Variants in PCDH19 observed in about 807,000 individuals in gnomAD.
PCDH19 encodes protocadherin 19.
In PCDH19, 6 loss-of-function variants were observed where a neutral mutation model predicts 46.2. The observed-to-expected ratio is 0.13, with a 90% CI of 0.07 to 0.26. The LOEUF (loss-of-function observed/expected upper bound fraction) is 0.26. PCDH19 is among the 10% of genes least tolerant of loss of function. PCDH19 has a pLI of 1.00. For missense variants in PCDH19, 740 were observed against 972.3 expected, an observed-to-expected ratio of 0.76 and a Z score of 3.18; for synonymous variants, 481 against 415.7, an observed-to-expected ratio of 1.16 and a Z score of -1.91.
In PCDH19 at chrX:100,296,556, G is replaced by A. The variant is rs1924614562; in HGVS notation, c.3168C>T (p.Gly1056=). The change falls in exon 6 of 6, where the codon GGC becomes GGT. Residue 1056 remains glycine (G), a synonymous_variant. Coordinates refer to ENST00000373034, the MANE Select transcript of PCDH19 (RefSeq NM_001184880.2). ...PKVNSVIREA[G]NGCEAISPVT... The stretch of plus-strand genomic sequence containing the variant: ...CAGGGCTAATCGCCTCACAGCCATT[G>A]CCTGCCTCCCGGATAACGCTGTTGA... 1 of 1,209,220 alleles carries A rather than the reference G, an allele frequency of 8.3e-7. No individual in the cohort carries two copies. The highest frequency in any genetic ancestry group is 1.1e-6 in the Non-Finnish European group (1 of 894,960).
chrX:100,371,969 G>A (rs1183730894), intron 3 of PCDH19, among the ~76,000 whole-genome samples: 3 of 111,466 alleles, frequency 2.7e-5, no homozygotes, highest in African/African-American at 9.8e-5. Flanking sequence ...AGGCACAGTG[G>A]CTCACACCTG....
intron 5 of PCDH19, among the ~76,000 whole-genome samples, chrX:100,301,996 G>A (rs1924795620): frequency 8.9e-6 from 1 of 111,746 alleles, no homozygotes; most frequent in Non-Finnish European, 1.9e-5. Context: ...TTCCTTAAAA[G>A]GGGAGAGCTG....
chrX:100,359,484 T>C (rs896001119), intron 3 of PCDH19, among the ~76,000 whole-genome samples: 6 of 111,938 alleles, frequency 5.4e-5, no homozygotes, highest in Non-Finnish European at 1.9e-5. Flanking sequence ...GCAACCATTG[T>C]TAGAAGGTGA....
chrX:100,397,896 G>T (rs1237343145), intron 3 of PCDH19, among the ~76,000 whole-genome samples: 1 of 111,562 alleles, frequency 9.0e-6, no homozygotes, highest in African/African-American at 3.3e-5. Context: ...ACTATTTTTA[G>T]AAAGATCTTA....
At chrX:100,379,125 C>G (rs1927467734) in intron 3 of PCDH19, among the ~76,000 whole-genome samples, 2 of 110,975 alleles carry the variant, frequency 1.8e-5, no homozygotes, top group East Asian at 5.7e-4. Flanking sequence ...ATGAATCTCC[C>G]CCTGGCCACA....
At chrX:100,354,787 A>G (rs1926665683) in intron 3 of PCDH19, among the ~76,000 whole-genome samples, 1 of 111,603 alleles carries the variant, frequency 9.0e-6, no homozygotes, top group East Asian at 2.8e-4. Context: ...CTAAATGGCA[A>G]ACAACATGAA....
chrX:100,325,350 T>A (rs1925657279), intron 5 of PCDH19, among the ~76,000 whole-genome samples: 2 of 105,708 alleles, frequency 1.9e-5, no homozygotes, highest in African/African-American at 6.8e-5. Context: ...CATTAAAGTA[T>A]GTTAGGGACT....
At chrX:100,377,717 G>C (rs191683650) in intron 3 of PCDH19, among the ~76,000 whole-genome samples, 2 of 111,765 alleles carry the variant, frequency 1.8e-5, no homozygotes, top group Non-Finnish European at 3.8e-5. Flanking sequence ...AAGAGAATTC[G>C]ATACTACGCA....
intron 3 of PCDH19, among the ~76,000 whole-genome samples, chrX:100,358,227 C>A (rs778245285): frequency 8.9e-6 from 1 of 111,759 alleles, no homozygotes; most frequent in Non-Finnish European, 1.9e-5. Context: ...TGTGAGAAGA[C>A]GAGGGTTCAC....
At chrX:100,310,866 C>A (rs190582333) in intron 5 of PCDH19, among the ~76,000 whole-genome samples, 1 of 109,278 alleles carries the variant, frequency 9.2e-6, no homozygotes, top group African/African-American at 3.3e-5. Context: ...AAAAAAACTT[C>A]TTTAGAGACA....
chrX:100,304,428 T>C (rs894787419), intron 5 of PCDH19, among the ~76,000 whole-genome samples: 1 of 111,498 alleles, frequency 9.0e-6, no homozygotes, highest in Non-Finnish European at 1.9e-5. Context: ...CAGCAGCCCT[T>C]GAGTCCTAGA....
chrX:100,376,756 C>G (rs771437250), intron 3 of PCDH19, among the ~76,000 whole-genome samples: 2 of 111,683 alleles, frequency 1.8e-5, no homozygotes, highest in African/African-American at 6.5e-5. Context: ...AGTAAAGCAT[C>G]TGGAACAGTG....
chrX:100,347,714 A>G (rs183977470), intron 4 of PCDH19, among the ~76,000 whole-genome samples: 1 of 111,279 alleles, frequency 9.0e-6, no homozygotes, highest in East Asian at 2.8e-4. Flanking sequence ...AGAAGGGTCC[A>G]AGAAACATCC....
rs1928542945 is a variant in PCDH19 at position 100,409,818 on chromosome X, C to T, written c.-1221G>A. On this transcript the variant is annotated 5_prime_UTR_variant, in exon 1 of 6. Coordinates refer to ENST00000373034, the MANE Select transcript of PCDH19 (RefSeq NM_001184880.2). The stretch of plus-strand genomic sequence containing the variant: ...CTGCCACAGTCGACGATTTTGTCGC[C>T]GCCGAAGTTTACTTGCAGGAGCGTC... The T allele has an allele frequency of 7.9e-6, 2 of 253,421 alleles. No individual in the cohort carries two copies. Among genetic ancestry groups the T allele is most frequent in the Non-Finnish European group, 1.4e-5 (2 of 144,441 alleles). 20.9% of individuals were successfully genotyped at this position (253,421 alleles called of 1,213,427 possible). A position where few individuals can be genotyped will look rare whatever the true frequency, so the allele number is the denominator to read the frequency against.
intron 5 of PCDH19, among the ~76,000 whole-genome samples, chrX:100,332,587 T>C (rs1452140685): frequency 1.8e-5 from 2 of 111,596 alleles, no homozygotes; most frequent in Non-Finnish European, 3.8e-5. Context: ...CCATATTTAT[T>C]TCATAACAAA....
intron 5 of PCDH19, among the ~76,000 whole-genome samples, chrX:100,323,744 C>T (rs769274223): frequency 1.2e-3 from 131 of 111,175 alleles, no homozygotes; most frequent in African/African-American, 4.1e-3. Flanking sequence ...CAAGGGAAGA[C>T]TGAACCACTA....
At chrX:100,310,312 T>C (rs1367792629) in intron 5 of PCDH19, among the ~76,000 whole-genome samples, 4 of 110,854 alleles carry the variant, frequency 3.6e-5, no homozygotes, top group Non-Finnish European at 7.6e-5. Context: ...AAAGAAGAGA[T>C]TTCAAGATGT....
rs1329677968 is a variant in PCDH19 at position 100,409,999 on chromosome X, G to C, written c.-1402C>G. Reference sequence around the variant, plus strand: ...GAGAGGAAGAGTGAGTGTGTGGTGTGGGGAGTGTGAGTGTGGAGTATGAGC... The same window carrying C: ...GAGAGGAAGAGTGAGTGTGTGGTGTCGGGAGTGTGAGTGTGGAGTATGAGC... On this transcript the variant is annotated 5_prime_UTR_variant, in exon 1 of 6. Coordinates refer to ENST00000373034, the MANE Select transcript of PCDH19 (RefSeq NM_001184880.2). 1.3e-5 allele frequency: 4 copies of C among 297,824 alleles called. No homozygotes were observed. Among genetic ancestry groups the C allele is most frequent in the Non-Finnish European group, 1.7e-5 (3 of 172,794 alleles). 24.5% of individuals were successfully genotyped at this position (297,824 alleles called of 1,213,427 possible).
chrX:100,378,423 T>C (rs1927450306), intron 3 of PCDH19, among the ~76,000 whole-genome samples: 1 of 112,475 alleles, frequency 8.9e-6, no homozygotes, highest in Non-Finnish European at 1.9e-5. Context: ...ACGGTTCTTT[T>C]TCAAGCTCAC....
Sources: gnomAD v4.1 joint callset for allele counts (sites outside exome capture counted in the v4.1 genomes callset) on GRCh38, gnomAD v4.1.1 for gene constraint, MANE v1.5 for transcripts, NCBI Gene and HGNC (gene_info 2026-07-23, HGNC 2026-07-21) for gene names.